The following SLC19A1 variants were observed in gnomAD, a reference collection of about 807,000 sequenced individuals.
SLC19A1 encodes solute carrier family 19 member 1.
In SLC19A1, 37 loss-of-function variants were observed where a neutral mutation model predicts 35.3. The observed-to-expected ratio is 1.05, with a 90% CI of 0.81 to 1.38. The LOEUF is 1.38. Ranked by LOEUF, SLC19A1 falls within the 40% of genes most tolerant of loss-of-function variation. The probability of loss-of-function intolerance (pLI) is 0.00; values close to 1 mark genes in which losing one functional copy is unlikely to be tolerated. For missense variants in SLC19A1, 831 were observed against 826.9 expected, an observed-to-expected ratio of 1.00 and a Z score of -0.06; for synonymous variants, 460 against 398.5, an observed-to-expected ratio of 1.15 and a Z score of -1.84.
At position 45,515,862 on chromosome 21, in the gene SLC19A1, G is replaced by A. The variant is rs780538233; in HGVS notation, c.1572C>T (p.Tyr524=). ...ASLEQRQSDP[Y]LAQAPAPQAA... is the part of the protein sequence containing the mutation. Reference sequence around the variant, plus strand: ...CCTGCGGGGCCGGGGCCTGGGCCAGGTATGGGTCGCTCTGTCTCTGCTCCA... The same window carrying A: ...CCTGCGGGGCCGGGGCCTGGGCCAGATATGGGTCGCTCTGTCTCTGCTCCA... The change falls in exon 6 of 6, where the codon TAC becomes TAT. Residue 524 remains tyrosine (Y), a synonymous_variant. Transcript: ENST00000311124. 6.3e-6 allele frequency: 10 copies of A among 1,589,742 alleles called. No homozygotes were observed. Among genetic ancestry groups the A allele is most frequent in the Non-Finnish European group, 7.7e-6 (9 of 1,167,244 alleles).
At chr21:45,503,700 TG>T (rs1347325015) in intron 3 of SLC19A1, among the ~76,000 whole-genome samples, 1 of 151,152 alleles carries the variant, frequency 6.6e-6, no homozygotes, top group Non-Finnish European at 1.5e-5. Flanking sequence ...GACGAGTTAG[TG>T]GGTGCAGCAC....
rs769705299 is a variant in SLC19A1 at position 45,560,733 on chromosome 21, C to T, written c.-50+2009G>A. On this transcript the variant is annotated intron_variant, in intron 1 of 5. Coordinates refer to the SLC19A1 transcript ENST00000650808. ...CCTTGCGGAGTGGTGACAACAGTGG[C>T]CAAGTGCCAATGAGGAGGACGAACC... 3.4e-4 allele frequency among the ~76,000 whole-genome samples: 51 copies of T among 152,198 alleles called. 1 individual carries two copies. The highest frequency in any genetic ancestry group is 4.1e-4 in the South Asian group (2 of 4,836).
chr21:45,523,886 C>G (rs1351412657), intron 5 of SLC19A1, among the ~76,000 whole-genome samples: 2 of 152,182 alleles, frequency 1.3e-5, no homozygotes, highest in Non-Finnish European at 2.9e-5. Flanking sequence ...GTGCTGGAGC[C>G]CCTCCAAAGC....
downstream of SLC19A1, chr21:45,510,053 T>C (rs1305859272): frequency 6.5e-7 from 1 of 1,550,226 alleles, no homozygotes; most frequent in South Asian, 1.2e-5. Flanking sequence ...GACGCGCCCC[T>C]CTCCCCGCAG....
chr21:45,515,719 C>G lies in SLC19A1; in HGVS notation c.1715G>C (p.Gly572Ala). The change falls in exon 6 of 6, where the codon GGT becomes GCT. Residue 572 changes from glycine (G) to alanine (A), a missense_variant. Physicochemically the swap from Gly to Ala is moderately conservative, Grantham distance 60. Transcript: ENST00000311124. Reference sequence around the variant, plus strand: ...ACACTGCAAACCCAGCTTGCTGACACCAGGAGGATGGACAGCCAGCTGGGG... The same window carrying G: ...ACACTGCAAACCCAGCTTGCTGACAGCAGGAGGATGGACAGCCAGCTGGGG... ...TCPQLAVHPPGVSKLGLQCLP... is the reference protein window; with the variant it reads ...TCPQLAVHPPAVSKLGLQCLP... 1 of 1,613,848 alleles carries G rather than the reference C, an allele frequency of 6.2e-7. No individual in the cohort carries two copies. The highest frequency in any genetic ancestry group is 1.1e-5 in the South Asian group (1 of 91,088).
intron 5 of SLC19A1, among the ~76,000 whole-genome samples, chr21:45,523,291 G>A (rs971017667): frequency 2.6e-5 from 4 of 152,154 alleles, no homozygotes; most frequent in Admixed American, 2.6e-4. Context: ...TGAGCAAAAT[G>A]CCCCACTAGT....
chr21:45,531,977 G>T lies in SLC19A1; in HGVS notation c.361C>A (p.Leu121Ile). ...GTGACGCTGTAGAAGAGCTCCATGA[G>T]CTGCATGTGCGCCACCGAGTGGCCC... is the stretch of plus-strand genomic sequence containing the variant. ...LLGHSVAHMQ[L>I]MELFYSVTMA... Residue 121 changes from leucine to isoleucine, a missense_variant, in exon 3 of 6, where the codon CTC becomes ATC. Transcript: ENST00000311124. The T allele has an allele frequency of 6.2e-7, 1 of 1,609,820 alleles. No individual in the cohort carries two copies.
downstream of SLC19A1, chr21:45,512,468 C>T (rs1035815051): frequency 5.3e-5 from 78 of 1,484,312 alleles, no homozygotes; most frequent in Non-Finnish European, 6.9e-5. Context: ...GGGCAGGGAG[C>T]GGCCGGCCAG....
intron 1 of SLC19A1, among the ~76,000 whole-genome samples, chr21:45,552,814 G>A (rs753050170): frequency 2.6e-5 from 4 of 151,802 alleles, no homozygotes; most frequent in Admixed American, 6.6e-5. Context: ...TGGTCCGCCC[G>A]TCCACCCTGT....
chr21:45,557,000 G>T (rs1436571586), intron 1 of SLC19A1, among the ~76,000 whole-genome samples: 1 of 152,150 alleles, frequency 6.6e-6, no homozygotes, highest in African/African-American at 2.4e-5. Context: ...CAGAGGCCTG[G>T]CTACTCCGAG....
At position 45,540,812 on chromosome 21, in the gene SLC19A1, A is replaced by G. The variant is rs1311396418; in HGVS notation, c.-50+1556T>C. On this transcript the variant is annotated intron_variant, in intron 1 of 5. Coordinates refer to ENST00000311124, the MANE Select transcript of SLC19A1 (RefSeq NM_194255.4). This position sits in a 1 kb window ranked among gnomAD's most constrained non-coding sequence, Gnocchi z 5.5. ...CAGAGAGAATCCCTGCCTTCAGGAGAAGGTTGTAACAGCCCCTGCAAATCC... is the reference window on the plus strand; with the variant it reads ...CAGAGAGAATCCCTGCCTTCAGGAGGAGGTTGTAACAGCCCCTGCAAATCC... Among the ~76,000 whole-genome samples the G allele has an allele frequency of 6.6e-6, 1 of 152,120 alleles. No individual in the cohort carries two copies. The highest frequency in any genetic ancestry group is 1.5e-5 in the Non-Finnish European group (1 of 68,018).
chr21:45,535,010 G>A (rs1004871526), intron 2 of SLC19A1, among the ~76,000 whole-genome samples: 4 of 152,264 alleles, frequency 2.6e-5, no homozygotes, highest in East Asian at 3.8e-4. Flanking sequence ...ACAGGGAGGC[G>A]GGAAGGTGGG....
chr21:45,526,003 G>A (rs1373718881), intron 4 of SLC19A1, 45 bp from the exon 5 acceptor site: 3 of 1,596,486 alleles, frequency 1.9e-6, no homozygotes, highest in Non-Finnish European at 2.6e-6. Context: ...GGGAGAATAA[G>A]CAGCAGCCAC....
rs934496470 is a variant in SLC19A1 at position 45,533,890 on chromosome 21, G to A, written c.190-1742C>T. ...GGCCACCGGCTACTGTGAACAGCTG[G>A]GCAATAGGACCCTGCAGCCAGGCCG... On this transcript the variant is annotated intron_variant, in intron 2 of 5. Coordinates refer to ENST00000311124, the MANE Select transcript of SLC19A1 (RefSeq NM_194255.4). This position sits in a 1 kb window ranked among gnomAD's most constrained non-coding sequence, Gnocchi z 4.5. 6.6e-6 allele frequency among the ~76,000 whole-genome samples: 1 copy of A among 152,066 alleles called. No individual in the cohort carries two copies. Among genetic ancestry groups the A allele is most frequent in the Non-Finnish European group, 1.5e-5 (1 of 67,990 alleles).
intron 3 of SLC19A1, chr21:45,504,344 CGG>C: frequency 6.7e-7 from 1 of 1,499,568 alleles, no homozygotes; most frequent in South Asian, 1.2e-5. Flanking sequence ...AGCCCTGGCT[CGG>C]GGGGATGGGA....
upstream of SLC19A1, among the ~76,000 whole-genome samples, chr21:45,545,107 A>T (rs779297097): frequency 1.8e-4 from 28 of 152,198 alleles, no homozygotes; most frequent in Non-Finnish European, 3.5e-4. Flanking sequence ...AGACACACAG[A>T]TCCATGCAGA....
chr21:45,507,885 T>TG (rs2037317382), downstream of SLC19A1, among the ~76,000 whole-genome samples: 1 of 152,180 alleles, frequency 6.6e-6, no homozygotes, highest in African/African-American at 2.4e-5. Flanking sequence ...TCAAAATCCT[T>TG]GGGGCCAAAA....
downstream of SLC19A1, chr21:45,509,736 ACTCAGGGCGG>A (rs1165826458): frequency 2.1e-5 from 15 of 711,640 alleles, no homozygotes; most frequent in Non-Finnish European, 3.5e-5. Context: ...GCTCAGGGCC[ACTCAGGGCGG>A]CTTGGCTGGC....
chr21:45,549,193 G>C (rs914649048), upstream of SLC19A1, among the ~76,000 whole-genome samples: 1 of 152,212 alleles, frequency 6.6e-6, no homozygotes, highest in Admixed American at 6.5e-5. Context: ...GGACTACTCA[G>C]ACTAAAAGGA....
Sources: gnomAD v4.1 joint callset for allele counts (sites outside exome capture counted in the v4.1 genomes callset) on GRCh38, gnomAD v4.1.1 for gene constraint, Gnocchi (gnomAD v3.1) non-coding constraint, MANE v1.5 for transcripts, NCBI Gene and HGNC (gene_info 2026-07-23, HGNC 2026-07-21) for gene names.